RNF180: variants seen among roughly 807,000 people sequenced by gnomAD.
RNF180 encodes the protein E3 ubiquitin-protein ligase RNF180.
RNF180 carries 38 observed loss-of-function variants against 59.2 expected under a neutral mutation model. That is an observed-to-expected ratio of 0.64 (90% confidence interval 0.50 to 0.84). RNF180 has a LOEUF of 0.84. Ranked by LOEUF, RNF180 falls within the 40% of genes least tolerant of loss-of-function variation. RNF180 has a pLI of 0.00. For synonymous variants in RNF180, 262 were observed against 240.3 expected (o/e 1.09, Z -0.84); for missense variants, 705 against 700.9 (o/e 1.01, Z -0.07).
At chr5:64,351,876 GTC>G in intron 7 of RNF180, among the ~76,000 whole-genome samples, 1 of 152,080 alleles carries the variant, frequency 6.6e-6, no homozygotes, top group Non-Finnish European at 1.5e-5. Context: ...TTTTTTGTGT[GTC>G]TCTGTCAGGC....
At chr5:64,335,999 G>T (rs896368929) in intron 7 of RNF180, among the ~76,000 whole-genome samples, 1 of 152,032 alleles carries the variant, frequency 6.6e-6, no homozygotes, top group Non-Finnish European at 1.5e-5. Context: ...TTATTCCCAT[G>T]TACTTGCTAT....
intron 5 of RNF180, among the ~76,000 whole-genome samples, chr5:64,227,456 C>G (rs1285720013): frequency 5.9e-5 from 9 of 152,166 alleles, no homozygotes; most frequent in Non-Finnish European, 1.3e-4. Flanking sequence ...CACCTGGAGC[C>G]CCGCCCTCCT....
intron 5 of RNF180, among the ~76,000 whole-genome samples, chr5:64,309,904 G>A (rs1002706367): frequency 1.3e-4 from 20 of 151,602 alleles, no homozygotes; most frequent in Non-Finnish European, 2.2e-4. Flanking sequence ...TGGCGAAAAT[G>A]TCGTTTAACA....
intron 2 of RNF180, among the ~76,000 whole-genome samples, chr5:64,201,726 G>C (rs963353302): frequency 6.6e-6 from 1 of 152,134 alleles, no homozygotes; most frequent in African/African-American, 2.4e-5. Flanking sequence ...AACTTTGATT[G>C]CATACTTACT....
intron 5 of RNF180, among the ~76,000 whole-genome samples, chr5:64,228,330 A>C (rs1741897305): frequency 6.6e-6 from 1 of 152,082 alleles, no homozygotes; most frequent in Non-Finnish European, 1.5e-5. Context: ...CTGGAGCAAC[A>C]TAGTGAGACC....
At chr5:64,289,162 T>A (rs1297343770) in intron 5 of RNF180, among the ~76,000 whole-genome samples, 1 of 152,232 alleles carries the variant, frequency 6.6e-6, no homozygotes, top group Non-Finnish European at 1.5e-5. Flanking sequence ...GTGGTTTTTG[T>A]CTTTAGTTCT....
chr5:64,249,633 T>C (rs776168717), intron 5 of RNF180, among the ~76,000 whole-genome samples: 4 of 151,968 alleles, frequency 2.6e-5, no homozygotes, highest in Non-Finnish European at 4.4e-5. Flanking sequence ...TAGAAAATGA[T>C]ATTCCATGCA....
chr5:64,295,849 G>A (rs1316304820), intron 5 of RNF180, among the ~76,000 whole-genome samples: 1 of 152,058 alleles, frequency 6.6e-6, no homozygotes, highest in Non-Finnish European at 1.5e-5. Context: ...CATCTTCTAT[G>A]TGTCAGGCAC....
At chr5:64,211,422 A>G (rs1308015969) in intron 2 of RNF180, among the ~76,000 whole-genome samples, 1 of 152,182 alleles carries the variant, frequency 6.6e-6, no homozygotes, top group African/African-American at 2.4e-5. Flanking sequence ...TATAAAGTTT[A>G]TAAGGACAGT....
chr5:64,264,612 A>G (rs1580140200), intron 5 of RNF180, among the ~76,000 whole-genome samples: 1 of 152,060 alleles, frequency 6.6e-6, no homozygotes, highest in Non-Finnish European at 1.5e-5. Context: ...TGCCACATTT[A>G]CTTTATCCAG....
intron 5 of RNF180, among the ~76,000 whole-genome samples, chr5:64,224,355 T>G (rs937822455): frequency 6.6e-6 from 1 of 152,132 alleles, no homozygotes; most frequent in East Asian, 1.9e-4. Context: ...TCCTATGCTG[T>G]CCAACACCTA....
In RNF180 at chr5:64,371,373, C is replaced by A. The variant is rs929015123; in HGVS notation, c.*1559C>A. Reference sequence around the variant, plus strand: ...TTGAAAACACACATATGAGGAGTTGCATTATTTTAAGAACTTTAAATTGCA... The same window carrying A: ...TTGAAAACACACATATGAGGAGTTGAATTATTTTAAGAACTTTAAATTGCA... On this transcript the variant is annotated 3_prime_UTR_variant, in exon 8 of 8. Transcript: ENST00000389100. The A allele has an allele frequency of 6.6e-6, 1 of 151,498 alleles. No individual in the cohort carries two copies. Among genetic ancestry groups the A allele is most frequent in the African/African-American group, 2.4e-5 (1 of 41,368 alleles). 9.4% of individuals were successfully genotyped at this position (151,498 alleles called of 1,614,324 possible).
chr5:64,327,231 C>A (rs909103735), intron 6 of RNF180, among the ~76,000 whole-genome samples: 8 of 151,984 alleles, frequency 5.3e-5, no homozygotes, highest in Non-Finnish European at 7.4e-5. Context: ...TTCCAAAAAA[C>A]CAGCTTTTTG....
At chr5:64,251,413 AAATT>A (rs1230750663) in intron 5 of RNF180, among the ~76,000 whole-genome samples, 1 of 152,176 alleles carries the variant, frequency 6.6e-6, no homozygotes, top group Non-Finnish European at 1.5e-5. Flanking sequence ...ATGCTTTTTG[AAATT>A]AATTAGTTAG....
intron 5 of RNF180, among the ~76,000 whole-genome samples, chr5:64,292,703 T>A (rs1275230495): frequency 1.3e-5 from 2 of 152,206 alleles, no homozygotes; most frequent in African/African-American, 2.4e-5. Flanking sequence ...CCACCTAGAC[T>A]CTGCAGAGCC....
chr5:64,208,170 G>T (rs1205412241), intron 2 of RNF180, among the ~76,000 whole-genome samples: 2 of 151,884 alleles, frequency 1.3e-5, no homozygotes, highest in Non-Finnish European at 2.9e-5. Flanking sequence ...ATAATACATT[G>T]GCTCCCTCTG....
chr5:64,347,025 C>T (rs1341206039), intron 7 of RNF180, among the ~76,000 whole-genome samples: 1 of 152,150 alleles, frequency 6.6e-6, no homozygotes, highest in Non-Finnish European at 1.5e-5. Context: ...ACAGTGTTTG[C>T]CTTATACCGA....
intron 5 of RNF180, among the ~76,000 whole-genome samples, chr5:64,288,572 G>T (rs1024286614): frequency 6.6e-6 from 1 of 152,136 alleles, no homozygotes; most frequent in Non-Finnish European, 1.5e-5. Context: ...ATTTCATTGA[G>T]CAGTGGTTTG....
At chr5:64,176,182 ATTTC>A (rs1473691866) in intron 1 of RNF180, among the ~76,000 whole-genome samples, 1 of 151,902 alleles carries the variant, frequency 6.6e-6, no homozygotes, top group East Asian at 1.9e-4. Context: ...AAGGTTTTCT[ATTTC>A]TTCATAGTTC....
Sources: allele counts gnomAD v4.1 joint callset (sites outside exome capture counted in the v4.1 genomes callset), GRCh38; gene constraint gnomAD v4.1.1; transcripts MANE v1.5; gene names NCBI Gene and HGNC (gene_info 2026-07-23, HGNC 2026-07-21).